The following COL5A2 variants were observed in gnomAD, a reference collection of about 807,000 sequenced individuals.
COL5A2 encodes collagen alpha-2(V) chain.
COL5A2 carries 23 observed loss-of-function variants against 208.2 expected under a neutral mutation model. That is an observed-to-expected ratio of 0.11 (90% CI 0.08 to 0.16). COL5A2 has a LOEUF of 0.16. Among genes scored for constraint, COL5A2 ranks in the 10% least tolerant of loss-of-function variants. The pLI is 1.00. For synonymous variants in COL5A2, 625 were observed against 628.5 expected (o/e 0.99, Z 0.08); for missense variants, 1,590 against 1,956.4 (o/e 0.81, Z 3.53).
rs1688748986 is a variant in COL5A2, at chr2:189,179,728, C to T, written c.-124G>A. On this transcript the variant is annotated 5_prime_UTR_variant, in exon 1 of 54. Transcript: ENST00000374866. ...CAGCCCCAGGGCAGCCTCTGCAAACCCCCTTTTTCAGCACCAGCTCCAGCA... is the reference window on the plus strand; with the variant it reads ...CAGCCCCAGGGCAGCCTCTGCAAACTCCCTTTTTCAGCACCAGCTCCAGCA... 5.3e-6 allele frequency: 8 copies of T among 1,518,374 alleles called. No homozygotes were observed. Among genetic ancestry groups the T allele is most frequent in the Admixed American group, 2.0e-5 (1 of 50,346 alleles). The allele number at this position is 1,518,374 out of a possible 1,614,324, so 94.1% of individuals were successfully genotyped here. A position where few individuals can be genotyped will look rare whatever the true frequency, so the allele number is the denominator to read the frequency against.
At position 189,064,592 on chromosome 2, in the gene COL5A2, C is replaced by T. The variant is rs1184276149; in HGVS notation, c.1681G>A (p.Gly561Arg). 6.2e-7 allele frequency: 1 copy of T among 1,613,900 alleles called. No individual in the cohort carries two copies. The highest frequency in any genetic ancestry group is 1.7e-5 in the Admixed American group (1 of 59,970). ...GGAAGCCCAGGTTCCCCTGGACGTC[C>T]TGGATCCCCCTGGCTTCCTTTGGGT... ...SGPKGSQGDPGRPGEPGLPGA... is the reference protein window; with the variant it reads ...SGPKGSQGDPRRPGEPGLPGA... Residue 561 changes from glycine (G) to arginine (R), a missense_variant, in exon 25 of 54, where the codon GGA (glycine) becomes AGA (arginine). Coordinates refer to ENST00000374866, the MANE Select transcript of COL5A2 (RefSeq NM_000393.5).
chr2:189,106,825 A>G (rs971202343), intron 2 of COL5A2, among the ~76,000 whole-genome samples: 4 of 151,412 alleles, frequency 2.6e-5, no homozygotes, highest in Non-Finnish European at 4.4e-5. Flanking sequence ...TTTTACTTTA[A>G]TTATGAAAGA....
chr2:189,139,464 T>A (rs1687893444), intron 1 of COL5A2, among the ~76,000 whole-genome samples: 1 of 151,886 alleles, frequency 6.6e-6, no homozygotes, highest in South Asian at 2.1e-4. Context: ...TGAAAAATCG[T>A]CAAAATCCTA....
chr2:189,050,414 G>A (rs1685759275), intron 43 of COL5A2, among the ~76,000 whole-genome samples, 155 bp downstream of exon 43: 1 of 152,108 alleles, frequency 6.6e-6, no homozygotes, highest in Non-Finnish European at 1.5e-5. Context: ...TTAAGAATTT[G>A]ACATTTAAGA....
the COL5A2 span, among the ~76,000 whole-genome samples, chr2:189,320,828 A>G: frequency 3.3e-5 from 5 of 152,230 alleles, no homozygotes; most frequent in South Asian, 8.3e-4. Context: ...CCACAAAGAT[A>G]CTCCTCGAGA....
chr2:189,354,916 T>G, the COL5A2 span, among the ~76,000 whole-genome samples: 1 of 152,222 alleles, frequency 6.6e-6, no homozygotes, highest in South Asian at 2.1e-4. Flanking sequence ...TGTGGGTATT[T>G]AGTGCTATAA....
rs1019798375 is a variant in COL5A2 at position 189,067,941 on chromosome 2, C to T, written c.1401+74G>A. ...ACGTTATCTATGTTTCATTGCATCACATGACATGTTATTACTCTTGGCCCT... is the reference window on the plus strand; with the variant it reads ...ACGTTATCTATGTTTCATTGCATCATATGACATGTTATTACTCTTGGCCCT... On this transcript the variant is annotated intron_variant, in intron 21 of 53. Transcript: ENST00000374866. 6 of 1,210,332 alleles carry T rather than the reference C, an allele frequency of 5.0e-6. No homozygotes were observed. The Admixed American group carries it at 5.2e-5, about 11-fold the overall frequency. The allele number at this position is 1,210,332 out of a possible 1,614,324, so 75.0% of individuals were successfully genotyped here. A position where few individuals can be genotyped will look rare whatever the true frequency, so the allele number is the denominator to read the frequency against.
intron 45 of COL5A2, among the ~76,000 whole-genome samples, chr2:189,047,628 G>C (rs983630008): frequency 6.6e-6 from 1 of 152,162 alleles, no homozygotes; most frequent in Admixed American, 6.5e-5. Context: ...GCTACATGAT[G>C]AGCTTTAATT....
At chr2:189,183,865 TC>T (rs2105837338), upstream of COL5A2, among the ~76,000 whole-genome samples, 1 of 152,318 alleles carries the variant, frequency 6.6e-6, no homozygotes, top group South Asian at 2.1e-4. Context: ...AAACAGATTT[TC>T]CCAGACACAT....
the COL5A2 span, among the ~76,000 whole-genome samples, chr2:189,381,463 A>G: frequency 6.6e-6 from 1 of 152,024 alleles, no homozygotes; most frequent in Non-Finnish European, 1.5e-5. Context: ...GTCTGGAAAG[A>G]TGTTCTATAT....
intron 1 of COL5A2, among the ~76,000 whole-genome samples, chr2:189,129,611 G>A (rs1055044648): frequency 2.6e-5 from 4 of 151,882 alleles, no homozygotes; most frequent in Admixed American, 6.6e-5. Flanking sequence ...TCACCTATTT[G>A]ATTTCAAAAG....
the COL5A2 span, among the ~76,000 whole-genome samples, chr2:189,407,562 C>T: frequency 1.3e-5 from 2 of 152,052 alleles, no homozygotes; most frequent in Non-Finnish European, 2.9e-5. Context: ...AAAGATAAGA[C>T]TCTTTCTGCC....
At chr2:189,219,745 G>A (rs1276117552) in intron 1 of COL5A2, among the ~76,000 whole-genome samples, 1 of 152,100 alleles carries the variant, frequency 6.6e-6, no homozygotes, top group Non-Finnish European at 1.5e-5. Flanking sequence ...CAACTTGCTT[G>A]AGTTAGTGAA....
chr2:189,380,264 G>C, the COL5A2 span, among the ~76,000 whole-genome samples: 1 of 151,848 alleles, frequency 6.6e-6, no homozygotes, highest in South Asian at 2.1e-4. Context: ...TCCCTTATTT[G>C]GGATGTACTT....
intron 17 of COL5A2, among the ~76,000 whole-genome samples, chr2:189,072,765 C>CAA (rs58636533): frequency 0.028 from 1,908 of 67,310 alleles, 58 homozygotes; most frequent in South Asian, 0.11. Context: ...ACTCCATCTC[C>CAA]AAAAAAAAAA....
Position 189,043,588 on chromosome 2 carries a change from T to G in COL5A2, c.3364-330A>C, listed in dbSNP as rs74469184. Among the ~76,000 whole-genome samples, 4 of 152,154 alleles carry G rather than the reference T, an allele frequency of 2.6e-5. No homozygotes were observed. The East Asian group carries it at 7.7e-4, about 29-fold the overall frequency. On this transcript the variant is annotated intron_variant, in intron 47 of 53. Transcript: ENST00000374866. ...CTGAAATGTTTTTTAAAGATTATGC[T>G]TCACATATTTAGTTGATATTATTAT...
chr2:189,133,307 G>T (rs1256119094), intron 1 of COL5A2, among the ~76,000 whole-genome samples: 2 of 150,626 alleles, frequency 1.3e-5, no homozygotes, highest in East Asian at 2.0e-4. Context: ...TTTTAGTAGA[G>T]ACGGGGTTTC....
intron 29 of COL5A2, 40 bp downstream of exon 29, chr2:189,062,825 T>C (rs1186642198): frequency 1.2e-6 from 2 of 1,611,102 alleles, no homozygotes; most frequent in East Asian, 2.2e-5. Flanking sequence ...AATGTGTGTA[T>C]ATATATATTC....
At chr2:189,163,515 A>G (rs1688410626) in intron 1 of COL5A2, among the ~76,000 whole-genome samples, 2 of 152,342 alleles carry the variant, frequency 1.3e-5, no homozygotes, top group Admixed American at 1.3e-4. Flanking sequence ...TTGTAGAGTC[A>G]CTCACTGAAA....
Sources: gnomAD v4.1 joint callset for allele counts (sites outside exome capture counted in the v4.1 genomes callset) on GRCh38, gnomAD v4.1.1 for gene constraint, MANE v1.5 for transcripts, NCBI Gene and HGNC (gene_info 2026-07-23, HGNC 2026-07-21) for gene names.